BCAS3: variants seen among roughly 807,000 people sequenced by gnomAD.
BCAS3 encodes the protein BCAS3 microtubule associated cell migration factor.
BCAS3 carries 53 observed loss-of-function variants against 116.1 expected under a neutral mutation model. The observed-to-expected ratio is 0.46, with a 90% CI of 0.37 to 0.57. The LOEUF (loss-of-function observed/expected upper bound fraction) is 0.57, where lower values mean the gene tolerates loss of function less well. Ranked by LOEUF, BCAS3 falls within the 20% of genes least tolerant of loss-of-function variation. BCAS3 has a pLI of 0.00. For missense variants in BCAS3, 917 were observed against 1,165.4 expected (o/e 0.79, Z 3.10); for synonymous variants, 391 against 408.2 (o/e 0.96, Z 0.51).
At chr17:60,748,530 GT>G (rs1371736369) in intron 6 of BCAS3, among the ~76,000 whole-genome samples, 2 of 152,160 alleles carry the variant, frequency 1.3e-5, no homozygotes, top group Non-Finnish European at 2.9e-5. Flanking sequence ...TTCTAGAAGG[GT>G]TTTGGAATAG....
Position 61,083,703 on chromosome 17 carries a change from C to A in BCAS3, c.2328-764C>A, listed in dbSNP as rs568907864. On this transcript the variant is annotated intron_variant, in intron 21 of 23. Transcript: ENST00000407086. This position sits in a 1 kb window ranked among gnomAD's most constrained non-coding sequence, Gnocchi z 4.9. ...CTCTGGTTTTTGGGTTCCAGCAGTT[C>A]TCCTGCCTCAGCCTCTTGAGTAGCT... Among the ~76,000 whole-genome samples the A allele has an allele frequency of 7.2e-4, 108 of 150,776 alleles. No individual in the cohort carries two copies. Among genetic ancestry groups the A allele is most frequent in the African/African-American group, 2.3e-3 (95 of 41,038 alleles).
intron 11 of BCAS3, among the ~76,000 whole-genome samples, chr17:60,909,659 T>C (rs1278428485): frequency 3.3e-5 from 5 of 152,184 alleles, no homozygotes; most frequent in Non-Finnish European, 7.4e-5. Flanking sequence ...CATTTCTTTT[T>C]CTGTAGACTC....
intron 10 of BCAS3, among the ~76,000 whole-genome samples, chr17:60,898,041 G>A (rs1004293589): frequency 1.3e-5 from 2 of 151,844 alleles, no homozygotes; most frequent in Non-Finnish European, 1.5e-5. Flanking sequence ...TACCTGGCCA[G>A]AATTTCTCTT....
intron 23 of BCAS3, chr17:61,383,447 A>C (rs2143635386): frequency 6.6e-6 from 1 of 152,440 alleles, no homozygotes; most frequent in East Asian, 1.9e-4. Context: ...ACACTTTCAG[A>C]AGGAGTAGGG....
At chr17:60,807,120 TA>T (rs1369283480) in intron 6 of BCAS3, among the ~76,000 whole-genome samples, 1 of 152,154 alleles carries the variant, frequency 6.6e-6, no homozygotes, top group Non-Finnish European at 1.5e-5. Context: ...TGATTAGGTA[TA>T]GAGTCTAATT....
At chr17:60,852,771 C>CT (rs1267549897) in intron 7 of BCAS3, among the ~76,000 whole-genome samples, 1 of 152,114 alleles carries the variant, frequency 6.6e-6, no homozygotes, top group Non-Finnish European at 1.5e-5. Context: ...TTTTAAAGGG[C>CT]TAAAAGCTCT....
intron 4 of BCAS3, among the ~76,000 whole-genome samples, chr17:60,692,720 C>T (rs892667144): frequency 2.8e-5 from 4 of 140,406 alleles, no homozygotes; most frequent in African/African-American, 5.2e-5. Context: ...GGCAACAGAG[C>T]GAGACTCCAT....
chr17:61,039,848 C>G (rs1320833636), intron 18 of BCAS3, among the ~76,000 whole-genome samples: 1 of 152,132 alleles, frequency 6.6e-6, no homozygotes, highest in Non-Finnish European at 1.5e-5. Flanking sequence ...CAATCTCATG[C>G]TCACCGAAAA....
At chr17:60,947,088 G>T in intron 13 of BCAS3, 131 bp from the exon 14 acceptor site, 2 of 893,104 alleles carry the variant, frequency 2.2e-6, no homozygotes, top group Non-Finnish European at 1.7e-6. Context: ...TTTTTCTTTT[G>T]TAAAGTTTCT....
At position 61,380,657 on chromosome 17, in the gene BCAS3, C is replaced by A. The variant is rs568642228; in HGVS notation, c.2594-11320C>A. The A allele has an allele frequency of 1.5e-5, 20 of 1,299,604 alleles. 1 individual carries two copies. In the South Asian group the frequency reaches 2.5e-4, roughly 16 times the overall value. The allele number at this position is 1,299,604 out of a possible 1,614,324, so 80.5% of individuals were successfully genotyped here. On this transcript the variant is annotated intron_variant, in intron 23 of 23. Coordinates refer to ENST00000407086, the MANE Select transcript of BCAS3 (RefSeq NM_017679.5). This position sits in a 1 kb window ranked among gnomAD's most constrained non-coding sequence, Gnocchi z 4.2. ...TCAAGAGGGTGCCCTCCTACCCCCTCGTGCCCAGGCCCAGGAGCACTCTAG... is the reference window on the plus strand; with the variant it reads ...TCAAGAGGGTGCCCTCCTACCCCCTAGTGCCCAGGCCCAGGAGCACTCTAG...
chr17:60,752,938 A>C (rs764485855), intron 6 of BCAS3, among the ~76,000 whole-genome samples: 10 of 152,034 alleles, frequency 6.6e-5, no homozygotes, highest in Admixed American at 5.2e-4. Flanking sequence ...TCAAACTCCT[A>C]GGCTCAAGCA....
At chr17:60,988,346 T>TC (rs1365336009) in intron 14 of BCAS3, among the ~76,000 whole-genome samples, 12 of 143,616 alleles carry the variant, frequency 8.4e-5, no homozygotes, top group Admixed American at 6.2e-4. Flanking sequence ...TTCTTTTTTT[T>TC]TTTTTTTTTT....
chr17:61,038,662 G>GTTTTTTTT (rs1407678436), intron 18 of BCAS3, among the ~76,000 whole-genome samples: 1 of 113,492 alleles, frequency 8.8e-6, no homozygotes, highest in Non-Finnish European at 1.8e-5. Context: ...TTTTGTTTTT[G>GTTTTTTTT]TTTTTGTTTT....
At chr17:60,955,683 T>A (rs2061096075) in intron 14 of BCAS3, among the ~76,000 whole-genome samples, 1 of 152,118 alleles carries the variant, frequency 6.6e-6, no homozygotes, top group Non-Finnish European at 1.5e-5. Flanking sequence ...CGTGCCCGGC[T>A]GGAGACTGAA....
chr17:61,152,135 G>A (rs2077574282), intron 22 of BCAS3, among the ~76,000 whole-genome samples: 1 of 152,204 alleles, frequency 6.6e-6, no homozygotes, highest in Non-Finnish European at 1.5e-5. Context: ...GTGAGCAGTA[G>A]CAAGGTTTAT....
intron 22 of BCAS3, among the ~76,000 whole-genome samples, chr17:61,175,132 A>G (rs535709128): frequency 3.7e-4 from 56 of 152,290 alleles, no homozygotes; most frequent in Admixed American, 1.5e-3. Context: ...TAGGTCAGGC[A>G]TGGGTGGTTC....
chr17:61,249,722 T>C lies in BCAS3; in HGVS notation c.2426-118605T>C, dbSNP rs1290194974. Among the ~76,000 whole-genome samples, 1 of 151,860 alleles carries C rather than the reference T, an allele frequency of 6.6e-6. No homozygotes were observed. Among genetic ancestry groups the C allele is most frequent in the African/African-American group, 2.4e-5 (1 of 41,112 alleles). ...CTTGTGAAATCATGGTCACAGGAGTTATTTCCAAGGATGTTTAAGTAGCTG... is the reference window on the plus strand; with the variant it reads ...CTTGTGAAATCATGGTCACAGGAGTCATTTCCAAGGATGTTTAAGTAGCTG... On this transcript the variant is annotated intron_variant, in intron 22 of 23. Coordinates refer to ENST00000407086, the MANE Select transcript of BCAS3 (RefSeq NM_017679.5). This position sits in a 1 kb window ranked among gnomAD's most constrained non-coding sequence, Gnocchi z 6.2.
chr17:61,086,031 T>G (rs2073065896), intron 22 of BCAS3, among the ~76,000 whole-genome samples: 1 of 152,202 alleles, frequency 6.6e-6, no homozygotes, highest in African/African-American at 2.4e-5. Context: ...TTACCTTGTG[T>G]TATTAAAAGT....
At chr17:60,903,548 G>C (rs1451319901) in intron 11 of BCAS3, among the ~76,000 whole-genome samples, 1 of 152,126 alleles carries the variant, frequency 6.6e-6, no homozygotes, top group African/African-American at 2.4e-5. Context: ...GCTCAGGCAG[G>C]AGTGAACACC....
Sources: gnomAD v4.1 joint callset for allele counts (sites outside exome capture counted in the v4.1 genomes callset) on GRCh38, gnomAD v4.1.1 for gene constraint, Gnocchi (gnomAD v3.1) non-coding constraint, MANE v1.5 for transcripts, NCBI Gene and HGNC (gene_info 2026-07-23, HGNC 2026-07-21) for gene names.